Variants in GAREM1 observed in about 807,000 individuals in gnomAD.
The protein encoded by GAREM1 is GRB2 associated regulator of MAPK1 subtype 1.
GAREM1 carries 26 observed loss-of-function variants against 71.3 expected under a neutral mutation model. The observed-to-expected ratio is 0.36, with a 90% confidence interval of 0.27 to 0.51. GAREM1 has a LOEUF of 0.51. Ranked by LOEUF, GAREM1 falls within the 20% of genes least tolerant of loss-of-function variation. The pLI is 0.95. For synonymous variants in GAREM1, 440 were observed against 433.2 expected (o/e 1.02, Z -0.20); for missense variants, 1,026 against 1,103.1 (o/e 0.93, Z 0.99).
chr18:32,329,923 G>A (rs183748534), intron 2 of GAREM1, among the ~76,000 whole-genome samples: 64 of 152,018 alleles, frequency 4.2e-4, no homozygotes, highest in African/African-American at 1.5e-3. Flanking sequence ...GAGTGTCGGG[G>A]GAATGCATGA....
chr18:32,432,198 G>C (rs1387783338), intron 1 of GAREM1, among the ~76,000 whole-genome samples: 1 of 152,124 alleles, frequency 6.6e-6, no homozygotes, highest in African/African-American at 2.4e-5. Flanking sequence ...AAATAAATAT[G>C]ATGGTGCAAA....
In GAREM1 at chr18:32,327,338, G is replaced by A. The variant is rs2047483663; in HGVS notation, c.263-17015C>T. On this transcript the variant is annotated intron_variant, in intron 2 of 5. Coordinates refer to ENST00000269209, the MANE Select transcript of GAREM1 (RefSeq NM_001242409.2). ...CATAGTCATCAGATAATTAGTAGAT[G>A]GATTCACTAATGTACTCATGTTGAT... Among the ~76,000 whole-genome samples, 3 of 152,092 alleles carry A rather than the reference G, an allele frequency of 2.0e-5. No individual in the cohort carries two copies. In the South Asian group the frequency reaches 6.2e-4, roughly 32 times the overall value.
At chr18:32,455,372 G>C (rs2048877568) in intron 1 of GAREM1, among the ~76,000 whole-genome samples, 1 of 152,124 alleles carries the variant, frequency 6.6e-6, no homozygotes, top group African/African-American at 2.4e-5. Context: ...CAAAGAAAGA[G>C]ACACACATAC....
chr18:32,457,222 AGAGAGT>A (rs1461022099), intron 1 of GAREM1, among the ~76,000 whole-genome samples: 154 of 84,262 alleles, frequency 1.8e-3, no homozygotes, highest in African/African-American at 7.7e-3. Context: ...AGAGAGAGAG[AGAGAGT>A]GTGTGTGTGT....
At position 32,267,499 on chromosome 18, in the gene GAREM1, G is replaced by GTT. The variant is rs58886413; in HGVS notation, c.*370_*371dup. 0.22 allele frequency: 30,934 copies of GTT among 142,944 alleles called. 3,363 individuals carry two copies. Among genetic ancestry groups the GTT allele is most frequent in the Middle Eastern group, 0.25 (70 of 278 alleles). 8.9% of individuals were successfully genotyped at this position (142,944 alleles called of 1,614,324 possible). A position where few individuals can be genotyped will look rare whatever the true frequency, so the allele number is the denominator to read the frequency against. ...TGAAAGAAGGGACTTGTTCAAAAGT[G>GTT]TTTTTTTTTTTTTTTTAAAGATTTT... is the stretch of plus-strand genomic sequence containing the variant. On this transcript the variant is annotated 3_prime_UTR_variant, in exon 6 of 6. Coordinates refer to ENST00000269209, the MANE Select transcript of GAREM1 (RefSeq NM_001242409.2).
chr18:32,317,940 TTCACGAA>T (rs2047396024), intron 2 of GAREM1, among the ~76,000 whole-genome samples: 2 of 152,098 alleles, frequency 1.3e-5, no homozygotes, highest in Admixed American at 1.3e-4. Flanking sequence ...TTAAGACCAT[TTCACGAA>T]TAACAGAGTC....
intron 2 of GAREM1, among the ~76,000 whole-genome samples, chr18:32,388,575 G>A (rs544334421): frequency 1.5e-4 from 23 of 152,254 alleles, no homozygotes; most frequent in African/African-American, 5.3e-4. Context: ...CCAATAAGGG[G>A]CAAAGGACAT....
At chr18:32,427,007 C>A (rs920941493) in intron 1 of GAREM1, among the ~76,000 whole-genome samples, 2 of 152,046 alleles carry the variant, frequency 1.3e-5, no homozygotes, top group Admixed American at 6.5e-5. Flanking sequence ...CCTTTCTTTC[C>A]CTTTATTCAT....
chr18:32,270,897 G>GTTTT (rs58914123), intron 4 of GAREM1, among the ~76,000 whole-genome samples: 1,661 of 92,600 alleles, frequency 0.018, 109 homozygotes, highest in Non-Finnish European at 0.025. Context: ...GTTCAGGGAT[G>GTTTT]TTTTTTTTTT....
intron 2 of GAREM1, among the ~76,000 whole-genome samples, chr18:32,375,114 T>C (rs980183412): frequency 6.6e-6 from 1 of 152,220 alleles, no homozygotes; most frequent in African/African-American, 2.4e-5. Flanking sequence ...AATTATAGTT[T>C]ACGAAATTTC....
intron 2 of GAREM1, among the ~76,000 whole-genome samples, chr18:32,315,742 A>T (rs2047372472): frequency 6.6e-6 from 1 of 151,966 alleles, no homozygotes; most frequent in South Asian, 2.1e-4. Flanking sequence ...CAAGTCGTTA[A>T]ATAAAGATTA....
chr18:32,303,546 T>C (rs529208681), intron 3 of GAREM1, among the ~76,000 whole-genome samples: 1 of 152,136 alleles, frequency 6.6e-6, no homozygotes, highest in South Asian at 2.1e-4. Flanking sequence ...AGTGAAGGGG[T>C]ATTTCGAAAC....
At chr18:32,463,354 G>A (rs1472235684) in intron 1 of GAREM1, among the ~76,000 whole-genome samples, 2 of 151,134 alleles carry the variant, frequency 1.3e-5, no homozygotes, top group Admixed American at 1.3e-4. Flanking sequence ...TTTCAAAACA[G>A]CCATCTTACT....
rs1346520456 is a variant in GAREM1 at position 32,265,659 on chromosome 18, C to T, written c.*2212G>A. Reference sequence around the variant, plus strand: ...AAAAATACACCAAGTCCAAAACAAGCAAAAAGAATTTAAAACCCTATTTTG... The same window carrying T: ...AAAAATACACCAAGTCCAAAACAAGTAAAAAGAATTTAAAACCCTATTTTG... On this transcript the variant is annotated 3_prime_UTR_variant, in exon 6 of 6. Coordinates refer to ENST00000269209, the MANE Select transcript of GAREM1 (RefSeq NM_001242409.2). 1.3e-5 allele frequency: 2 copies of T among 151,866 alleles called. No individual in the cohort carries two copies. The highest frequency in any genetic ancestry group is 2.9e-5 in the Non-Finnish European group (2 of 67,966). The allele number at this position is 151,866 out of a possible 1,614,324, so 9.4% of individuals were successfully genotyped here.
At chr18:32,374,219 A>C (rs2048012366) in intron 2 of GAREM1, among the ~76,000 whole-genome samples, 2 of 152,266 alleles carry the variant, frequency 1.3e-5, no homozygotes, top group Admixed American at 1.3e-4. Context: ...GAGGTCACAC[A>C]GTCATAAATT....
intron 1 of GAREM1, among the ~76,000 whole-genome samples, chr18:32,409,062 A>G (rs2048392554): frequency 6.6e-6 from 1 of 152,020 alleles, no homozygotes; most frequent in African/African-American, 2.4e-5. Context: ...AGAAACCCTC[A>G]TCTCCCCAGT....
intron 1 of GAREM1, among the ~76,000 whole-genome samples, chr18:32,442,391 A>G (rs574488426): frequency 1.3e-5 from 2 of 152,290 alleles, no homozygotes; most frequent in South Asian, 4.1e-4. Context: ...GTGATATTTC[A>G]GGGTAGCAGA....
At chr18:32,324,264 G>A (rs2047455067) in intron 2 of GAREM1, among the ~76,000 whole-genome samples, 1 of 152,278 alleles carries the variant, frequency 6.6e-6, no homozygotes, top group Middle Eastern at 3.4e-3. Context: ...GCCAAACTGC[G>A]TACACAGAGT....
At chr18:32,341,900 C>T (rs917356460) in intron 2 of GAREM1, among the ~76,000 whole-genome samples, 13 of 151,890 alleles carry the variant, frequency 8.6e-5, no homozygotes, top group African/African-American at 3.1e-4. Context: ...AAAGCCCATA[C>T]AACAGGAGGG....
Sources: allele counts gnomAD v4.1 joint callset (sites outside exome capture counted in the v4.1 genomes callset), GRCh38; gene constraint gnomAD v4.1.1; transcripts MANE v1.5; gene names NCBI Gene and HGNC (gene_info 2026-07-23, HGNC 2026-07-21).